Variants in DRC4 observed in about 807,000 individuals in gnomAD.
The protein encoded by DRC4 is dynein regulatory complex subunit 4.
the DRC4 span, chr16:90,029,360 C>T: frequency 1.5e-6 from 2 of 1,291,218 alleles, no homozygotes; most frequent in Non-Finnish European, 2.1e-6. Context: ...CTGGGGAGTG[C>T]CTTGTGGGCC....
chr16:90,023,008 C>T, the DRC4 span, among the ~76,000 whole-genome samples: 2 of 152,110 alleles, frequency 1.3e-5, no homozygotes, highest in Non-Finnish European at 2.9e-5. Flanking sequence ...GGCGCACGGT[C>T]CCCAGAAGAG....
At chr16:90,036,580 C>T in the DRC4 span, 4 of 1,574,512 alleles carry the variant, frequency 2.5e-6, no homozygotes, top group South Asian at 1.2e-5. Context: ...TCATCAACTC[C>T]CTCAAGGTGC....
the DRC4 span, among the ~76,000 whole-genome samples, chr16:90,024,123 T>TACACACACACACACACACACACACACAC: frequency 2.9e-5 from 4 of 139,394 alleles, no homozygotes; most frequent in Admixed American, 7.4e-5. Flanking sequence ...TTACTAAAAA[T>TACACACACACACACACACACACACACAC]ACACACACAC....
the DRC4 span, among the ~76,000 whole-genome samples, chr16:90,041,471 G>A: frequency 6.6e-6 from 1 of 152,188 alleles, no homozygotes; most frequent in African/African-American, 2.4e-5. Context: ...CCCACATCTG[G>A]GCGGGGCCAG....
At chr16:90,025,228 A>G in the DRC4 span, among the ~76,000 whole-genome samples, 6 of 149,576 alleles carry the variant, frequency 4.0e-5, no homozygotes, top group Non-Finnish European at 7.4e-5. Flanking sequence ...CATGTTGGCC[A>G]GGCTGGTCTT....
chr16:90,022,481 C>T, the DRC4 span: 4 of 448,778 alleles, frequency 8.9e-6, no homozygotes, highest in Non-Finnish European at 1.6e-5. Flanking sequence ...GCAAAACATG[C>T]CCTGCAGCGA....
chr16:90,027,757 G>C, the DRC4 span: 3 of 1,590,144 alleles, frequency 1.9e-6, no homozygotes, highest in South Asian at 2.2e-5. Context: ...GTCCCCGGGT[G>C]GGCGTGGGCG....
chr16:90,035,588 CCT>C, the DRC4 span: 1 of 1,613,764 alleles, frequency 6.2e-7, no homozygotes. Flanking sequence ...AGCGGGCTTC[CCT>C]CTGTGTCCGG....
At chr16:90,027,502 A>G in the DRC4 span, 38 of 800,152 alleles carry the variant, frequency 4.7e-5, no homozygotes, top group Non-Finnish European at 4.7e-5. Context: ...ACTCAGGGCA[A>G]TGATGTGCTC....
the DRC4 span, chr16:90,019,986 C>T: frequency 2.9e-6 from 2 of 698,458 alleles, no homozygotes; most frequent in African/African-American, 3.5e-5. The surrounding 1 kb of genome is among the most constrained non-coding windows in gnomAD (Gnocchi z 6.1). Context: ...CGGGCCCGGG[C>T]TGCAGAGAGC....
the DRC4 span, among the ~76,000 whole-genome samples, chr16:90,023,615 AGT>A: frequency 5.3e-3 from 736 of 139,336 alleles, 22 homozygotes; most frequent in Non-Finnish European, 8.4e-3. Context: ...AAAAGAGAGC[AGT>A]ACATTACGAA....
chr16:90,042,020 C>T, the DRC4 span, among the ~76,000 whole-genome samples: 1 of 151,944 alleles, frequency 6.6e-6, no homozygotes, highest in African/African-American at 2.4e-5. Flanking sequence ...GCACTGCAAC[C>T]TCCGTTTCCC....
At chr16:90,042,656 G>T in the DRC4 span, 1 of 786,748 alleles carries the variant, frequency 1.3e-6, no homozygotes, top group South Asian at 1.5e-5. Flanking sequence ...CAAGGCAGCT[G>T]TCACTGTCCC....
the DRC4 span, chr16:90,043,585 C>T: frequency 3.3e-6 from 2 of 610,212 alleles, no homozygotes; most frequent in Middle Eastern, 3.3e-4. Flanking sequence ...GTGTCCAGGC[C>T]TACTCCCTGG....
chr16:90,034,892 CTTTTTTTTTTT>C, the DRC4 span, among the ~76,000 whole-genome samples: 12 of 53,868 alleles, frequency 2.2e-4, no homozygotes, highest in Admixed American at 1.8e-3. Flanking sequence ...CCCACCTAAT[CTTTTTTTTTTT>C]TTTTTTTTTT....
the DRC4 span, among the ~76,000 whole-genome samples, chr16:90,031,963 C>T: frequency 3.3e-5 from 5 of 150,684 alleles, no homozygotes; most frequent in African/African-American, 7.3e-5. Flanking sequence ...GAGGTGAGCA[C>T]GTGGGGCAGG....
the DRC4 span, chr16:90,044,255 A>G: frequency 8.9e-6 from 4 of 450,846 alleles, no homozygotes; most frequent in South Asian, 6.2e-5. Flanking sequence ...GAGGGGATGA[A>G]TCACCCTTGG....
chr16:90,023,891 C>G, the DRC4 span, among the ~76,000 whole-genome samples: 6 of 137,068 alleles, frequency 4.4e-5, no homozygotes, highest in Admixed American at 4.1e-4. Context: ...ACTCGGGAGG[C>G]TGAGGCAGGA....
chr16:90,037,778 T>C, the DRC4 span: 2 of 1,614,132 alleles, frequency 1.2e-6, no homozygotes, highest in Middle Eastern at 3.3e-4. Context: ...AAAGCCCGTT[T>C]GAAAGTCAGG....
Sources: allele counts gnomAD v4.1 joint callset (sites outside exome capture counted in the v4.1 genomes callset), GRCh38; gene constraint gnomAD v4.1.1; non-coding constraint Gnocchi (gnomAD v3.1); transcripts MANE v1.5; gene names NCBI Gene and HGNC (gene_info 2026-07-23, HGNC 2026-07-21).